SEMA5A: variants seen among roughly 807,000 people sequenced by gnomAD.
The protein encoded by SEMA5A is semaphorin 5A, also known as semaphorin-5A.
In SEMA5A, 55 loss-of-function variants were observed where a neutral mutation model predicts 135.5. That is an observed-to-expected ratio of 0.41 (90% CI 0.33 to 0.51). The LOEUF (loss-of-function observed/expected upper bound fraction) is 0.51. Ranked by LOEUF, SEMA5A falls within the 20% of genes least tolerant of loss-of-function variation. SEMA5A has a pLI of 0.37. For synonymous variants in SEMA5A, 580 were observed against 546.5 expected (o/e 1.06, Z -0.85); for missense variants, 1,290 against 1,419.9 (o/e 0.91, Z 1.47).
chr5:9,148,378 C>T (rs898653291), intron 12 of SEMA5A, among the ~76,000 whole-genome samples: 4 of 152,268 alleles, frequency 2.6e-5, no homozygotes, highest in African/African-American at 9.6e-5. Flanking sequence ...GGGAATGTTC[C>T]TCTCTGGTGA....
chr5:9,221,245 G>C (rs1051928465), intron 8 of SEMA5A, among the ~76,000 whole-genome samples: 1 of 150,382 alleles, frequency 6.6e-6, no homozygotes, highest in Non-Finnish European at 1.5e-5. Flanking sequence ...TTTTTAGCTT[G>C]TTGCGGTTTC....
chr5:9,301,137 C>T (rs1751592611), intron 5 of SEMA5A, among the ~76,000 whole-genome samples: 1 of 152,180 alleles, frequency 6.6e-6, no homozygotes, highest in African/African-American at 2.4e-5. Flanking sequence ...TATTAACAAG[C>T]TAAGTGTTTC....
intron 12 of SEMA5A, among the ~76,000 whole-genome samples, chr5:9,139,284 G>A (rs1741935003): frequency 6.6e-6 from 1 of 152,110 alleles, no homozygotes; most frequent in Non-Finnish European, 1.5e-5. Flanking sequence ...GCTCATTTTT[G>A]TATGGGTTTT....
intron 5 of SEMA5A, among the ~76,000 whole-genome samples, chr5:9,259,205 G>A (rs1318874762): frequency 2.0e-5 from 3 of 152,150 alleles, no homozygotes; most frequent in African/African-American, 7.2e-5. Context: ...AGCTACAATG[G>A]AAGAGAGAAA....
intron 15 of SEMA5A, among the ~76,000 whole-genome samples, chr5:9,110,512 TG>T (rs1740182564): frequency 6.6e-6 from 1 of 152,156 alleles, no homozygotes; most frequent in Non-Finnish European, 1.5e-5. Context: ...GTGGTGGAGA[TG>T]GAGCTTGGTA....
At chr5:9,360,142 T>C (rs993883847) in intron 3 of SEMA5A, among the ~76,000 whole-genome samples, 10 of 152,340 alleles carry the variant, frequency 6.6e-5, no homozygotes, top group African/African-American at 2.4e-4. Context: ...CCTTTGCAGG[T>C]ATTAACCTCT....
intron 1 of SEMA5A, among the ~76,000 whole-genome samples, chr5:9,499,281 G>A (rs1019321668): frequency 1.3e-5 from 2 of 152,136 alleles, no homozygotes; most frequent in African/African-American, 4.8e-5. Flanking sequence ...ATTTAGTGTC[G>A]TGTCCTTATT....
At chr5:9,240,544 T>C (rs758253346) in intron 5 of SEMA5A, among the ~76,000 whole-genome samples, 5 of 151,804 alleles carry the variant, frequency 3.3e-5, no homozygotes, top group African/African-American at 4.8e-5. Flanking sequence ...ATTTCATCAC[T>C]TGACAGACAT....
intron 12 of SEMA5A, among the ~76,000 whole-genome samples, chr5:9,142,338 G>C (rs933148939): frequency 6.6e-6 from 1 of 152,162 alleles, no homozygotes; most frequent in African/African-American, 2.4e-5. Context: ...AGCACTCAGT[G>C]GGGAGAGAAC....
In SEMA5A at chr5:9,066,666, G is replaced by C. The variant is rs535146619; in HGVS notation, c.2074-20C>G. The C allele has an allele frequency of 1.2e-6, 2 of 1,607,838 alleles. No homozygotes were observed. The highest frequency in any genetic ancestry group is 3.3e-5 in the Admixed American group (2 of 60,008). ...GTACTCCTGGGGAGAATGCGCAGAC[G>C]AGTGTTACTATACGGGGTAAACAGA... On this transcript the variant is annotated intron_variant, in intron 16 of 22. Transcript: ENST00000382496.
chr5:9,323,933 G>A (rs1053927541), intron 4 of SEMA5A, among the ~76,000 whole-genome samples: 6 of 151,978 alleles, frequency 3.9e-5, no homozygotes, highest in Non-Finnish European at 1.5e-5. Context: ...ACAGGTGTGA[G>A]CCACCACGCC....
intron 16 of SEMA5A, among the ~76,000 whole-genome samples, chr5:9,078,273 A>T (rs542397579): frequency 1.3e-5 from 2 of 152,324 alleles, no homozygotes; most frequent in African/African-American, 2.4e-5. Context: ...GACCTTGAGC[A>T]GAGGCATCTG....
chr5:9,505,817 T>C (rs1735853178), intron 1 of SEMA5A, among the ~76,000 whole-genome samples: 2 of 152,240 alleles, frequency 1.3e-5, no homozygotes, highest in African/African-American at 4.8e-5. Context: ...GACTTTTCTT[T>C]GTTGTCTTTG....
chr5:9,065,258 C>G (rs1265035246), intron 17 of SEMA5A, among the ~76,000 whole-genome samples: 2 of 152,162 alleles, frequency 1.3e-5, no homozygotes, highest in African/African-American at 4.8e-5. Context: ...TGCTGGGCCT[C>G]CAGGCATCCA....
chr5:9,268,934 G>T (rs1749824683), intron 5 of SEMA5A, among the ~76,000 whole-genome samples: 1 of 152,046 alleles, frequency 6.6e-6, no homozygotes, highest in Admixed American at 6.5e-5. Flanking sequence ...TAGAAATGAT[G>T]ACAATTTCCA....
chr5:9,520,134 T>C (rs1736741655), intron 1 of SEMA5A, among the ~76,000 whole-genome samples: 1 of 152,210 alleles, frequency 6.6e-6, no homozygotes, highest in Non-Finnish European at 1.5e-5. Flanking sequence ...CCCCAAATTG[T>C]AACCTCAGAG....
At chr5:9,149,642 C>CA (rs1471976599) in intron 12 of SEMA5A, among the ~76,000 whole-genome samples, 10 of 152,114 alleles carry the variant, frequency 6.6e-5, no homozygotes, top group Non-Finnish European at 1.3e-4. Context: ...AGACTCGTCT[C>CA]AAAAACAAAA....
At chr5:9,298,537 C>CT (rs1184380793) in intron 5 of SEMA5A, among the ~76,000 whole-genome samples, 1 of 152,164 alleles carries the variant, frequency 6.6e-6, no homozygotes, top group Non-Finnish European at 1.5e-5. Flanking sequence ...CAACCCAGTC[C>CT]TTTTTTTATC....
In SEMA5A at chr5:9,124,161, G is replaced by T. The variant is rs545010454; in HGVS notation, c.1600-1324C>A. 3.9e-5 allele frequency among the ~76,000 whole-genome samples: 6 copies of T among 152,198 alleles called. No homozygotes were observed. The East Asian group carries it at 1.2e-3, about 30-fold the overall frequency. On this transcript the variant is annotated intron_variant, in intron 13 of 22. Coordinates refer to ENST00000382496, the MANE Select transcript of SEMA5A (RefSeq NM_003966.3). ...CAGGGACCTTATGGGGAGGGGTCAG[G>T]GAGCCCCCTGAGCTTGCTGGTGTGG...
Sources: gnomAD v4.1 joint callset for allele counts (sites outside exome capture counted in the v4.1 genomes callset) on GRCh38, gnomAD v4.1.1 for gene constraint, MANE v1.5 for transcripts, NCBI Gene and HGNC (gene_info 2026-07-23, HGNC 2026-07-21) for gene names.